The following PAPPA variants were observed in gnomAD, a reference collection of about 807,000 sequenced individuals.
PAPPA encodes the protein pappalysin 1.
In PAPPA, 60 loss-of-function variants were observed where a neutral mutation model predicts 164.0. That is an observed-to-expected ratio of 0.37 (90% CI 0.30 to 0.45). PAPPA has a LOEUF of 0.45. Among genes scored for constraint, PAPPA ranks in the 20% least tolerant of loss-of-function variants. PAPPA has a pLI of 1.00. For missense variants in PAPPA, 1,782 were observed against 2,087.3 expected (o/e 0.85, Z 2.85); for synonymous variants, 875 against 814.1 (o/e 1.07, Z -1.27).
At chr9:116,366,529 T>G (rs1021440930) in intron 18 of PAPPA, among the ~76,000 whole-genome samples, 1 of 152,226 alleles carries the variant, frequency 6.6e-6, no homozygotes, top group Non-Finnish European at 1.5e-5. Context: ...CATCAGTCAG[T>G]CATCATGCCA....
At chr9:116,265,386 G>T (rs1269156079) in intron 7 of PAPPA, among the ~76,000 whole-genome samples, 1 of 152,096 alleles carries the variant, frequency 6.6e-6, no homozygotes, top group Admixed American at 6.6e-5. Context: ...ATCAGAAAAG[G>T]GTTTGCTCAC....
At chr9:116,177,476 T>C (rs1465943418) in intron 1 of PAPPA, among the ~76,000 whole-genome samples, 1 of 152,220 alleles carries the variant, frequency 6.6e-6, no homozygotes, top group Non-Finnish European at 1.5e-5. Flanking sequence ...TTTGTTAAAA[T>C]GTTGTACAGA....
At chr9:116,282,164 T>A (rs971293267) in intron 9 of PAPPA, among the ~76,000 whole-genome samples, 15 of 152,200 alleles carry the variant, frequency 9.9e-5, no homozygotes, top group African/African-American at 3.4e-4. Context: ...TTCCCTGATA[T>A]AAAATGGAGT....
At chr9:116,245,454 G>A (rs900365061) in intron 7 of PAPPA, among the ~76,000 whole-genome samples, 1 of 152,142 alleles carries the variant, frequency 6.6e-6, no homozygotes, top group African/African-American at 2.4e-5. Context: ...GATTGAGGAA[G>A]GGTGAGTGAA....
chr9:116,187,932 G>A lies in PAPPA; in HGVS notation c.1194G>A (p.Leu398=), dbSNP rs770293887. ...QYNISWELDV[L]EVSNSSLRRR... is the part of the protein sequence containing the mutation. Reference sequence around the variant, plus strand: ...ACATCTCCTGGGAGCTGGACGTGCTGGAGGTGAGCAACTCCTCCCTTCGCC... The same window carrying A: ...ACATCTCCTGGGAGCTGGACGTGCTAGAGGTGAGCAACTCCTCCCTTCGCC... Residue 398 remains leucine, a synonymous_variant, in exon 2 of 22, where the codon CTG becomes CTA. Transcript: ENST00000328252. The surrounding 1 kb of genome is among the most constrained non-coding windows in gnomAD (Gnocchi z 4.2). 1 of 1,614,178 alleles carries A rather than the reference G, an allele frequency of 6.2e-7. No homozygotes were observed. Among genetic ancestry groups the A allele is most frequent in the Admixed American group, 1.7e-5 (1 of 60,034 alleles).
intron 9 of PAPPA, among the ~76,000 whole-genome samples, chr9:116,283,920 GACC>G (rs1845298628): frequency 6.6e-6 from 1 of 152,172 alleles, no homozygotes; most frequent in Admixed American, 6.5e-5. Flanking sequence ...GAAGCACAAG[GACC>G]ACTTGTCTGC....
At chr9:116,285,148 T>TC (rs1845317731) in intron 9 of PAPPA, among the ~76,000 whole-genome samples, 1 of 145,424 alleles carries the variant, frequency 6.9e-6, no homozygotes, top group African/African-American at 2.5e-5. Flanking sequence ...TTTTCTTTCT[T>TC]TTTCTTTTTC....
intron 21 of PAPPA, among the ~76,000 whole-genome samples, chr9:116,396,224 T>C (rs967329167): frequency 6.6e-6 from 1 of 152,208 alleles, no homozygotes; most frequent in African/African-American, 2.4e-5. Flanking sequence ...ATCTGTCTTA[T>C]AGAGTTGTCA....
intron 10 of PAPPA, among the ~76,000 whole-genome samples, chr9:116,317,605 A>G (rs1160998523): frequency 6.6e-6 from 1 of 152,218 alleles, no homozygotes. Flanking sequence ...AGCAGAAGGC[A>G]TTACCCAGCC....
At chr9:116,350,686 C>G (rs965975287) in intron 15 of PAPPA, among the ~76,000 whole-genome samples, 4 of 152,184 alleles carry the variant, frequency 2.6e-5, no homozygotes, top group Non-Finnish European at 5.9e-5. Flanking sequence ...GCTTCCTGTA[C>G]TTTATATACA....
chr9:116,350,012 ACT>A (rs1192371948), intron 15 of PAPPA, among the ~76,000 whole-genome samples: 2 of 152,146 alleles, frequency 1.3e-5, no homozygotes, highest in Non-Finnish European at 2.9e-5. Flanking sequence ...CCTCTGGGAA[ACT>A]CTGGGAGACG....
chr9:116,280,989 T>G (rs1402521249), intron 9 of PAPPA, among the ~76,000 whole-genome samples: 1 of 152,146 alleles, frequency 6.6e-6, no homozygotes, highest in Non-Finnish European at 1.5e-5. Context: ...ATTCAACCAA[T>G]CTCAGATACA....
At chr9:116,185,437 G>T (rs1421918299) in intron 1 of PAPPA, among the ~76,000 whole-genome samples, 1 of 152,144 alleles carries the variant, frequency 6.6e-6, no homozygotes, top group Admixed American at 6.5e-5. Flanking sequence ...GACTGTGTGG[G>T]CCTCCTCTAT....
intron 10 of PAPPA, among the ~76,000 whole-genome samples, chr9:116,313,890 C>T (rs548624152): frequency 3.3e-5 from 5 of 152,070 alleles, no homozygotes; most frequent in East Asian, 3.9e-4. Flanking sequence ...ATTGAGATCT[C>T]GAGCAACTTA....
chr9:116,344,116 T>G (rs963223236), intron 13 of PAPPA, among the ~76,000 whole-genome samples: 4 of 152,052 alleles, frequency 2.6e-5, no homozygotes, highest in Non-Finnish European at 4.4e-5. Context: ...CTGCTATGCG[T>G]TTTTTTCTAA....
chr9:116,238,581 G>A (rs1844699051), intron 7 of PAPPA, among the ~76,000 whole-genome samples: 1 of 152,154 alleles, frequency 6.6e-6, no homozygotes, highest in African/African-American at 2.4e-5. Flanking sequence ...TTGTAAAAGT[G>A]CCACGTACTG....
At chr9:116,255,148 AT>A (rs375530044) in intron 7 of PAPPA, among the ~76,000 whole-genome samples, 176 of 152,116 alleles carry the variant, frequency 1.2e-3, no homozygotes, top group African/African-American at 4.0e-3. Flanking sequence ...TTATCTTCAA[AT>A]AGTTTTTGTG....
intron 10 of PAPPA, among the ~76,000 whole-genome samples, chr9:116,314,960 G>T (rs1438182124): frequency 1.3e-5 from 2 of 152,298 alleles, no homozygotes; most frequent in African/African-American, 4.8e-5. Flanking sequence ...AGCAGCTAAC[G>T]ATTTGGCCCT....
chr9:116,331,095 T>C (rs1330249079), intron 10 of PAPPA, 149 bp from the exon 11 acceptor site: 2 of 607,072 alleles, frequency 3.3e-6, no homozygotes, highest in South Asian at 2.0e-5. Context: ...GAATGTGAGC[T>C]CCTGGACCAG....
Sources: gnomAD v4.1 joint callset for allele counts (sites outside exome capture counted in the v4.1 genomes callset) on GRCh38, gnomAD v4.1.1 for gene constraint, Gnocchi (gnomAD v3.1) non-coding constraint, MANE v1.5 for transcripts, NCBI Gene and HGNC (gene_info 2026-07-23, HGNC 2026-07-21) for gene names.